The following FSTL5 variants were observed in gnomAD, a reference collection of about 807,000 sequenced individuals.
FSTL5 encodes the protein follistatin-related protein 5.
FSTL5 carries 62 observed loss-of-function variants against 89.1 expected under a neutral mutation model. That is an observed-to-expected ratio of 0.70 (90% CI 0.57 to 0.86). The LOEUF is 0.86. Ranked by LOEUF, FSTL5 falls within the 40% of genes least tolerant of loss-of-function variation. The pLI, the probability that FSTL5 is intolerant of heterozygous loss-of-function variation, is 0.00. For missense variants in FSTL5, 1,057 were observed against 1,001.6 expected (o/e 1.06, Z -0.75); for synonymous variants, 383 against 346.2 (o/e 1.11, Z -1.18).
chr4:161,484,219 A>G (rs1223498125), intron 12 of FSTL5, among the ~76,000 whole-genome samples: 2 of 152,088 alleles, frequency 1.3e-5, no homozygotes, highest in Admixed American at 1.3e-4. Context: ...AAAATCTTTA[A>G]ATTCCAATCT....
intron 1 of FSTL5, among the ~76,000 whole-genome samples, chr4:162,112,829 C>T (rs1406871610): frequency 4.1e-5 from 6 of 145,540 alleles, no homozygotes; most frequent in Admixed American, 6.9e-5. Flanking sequence ...GTGGGCATTC[C>T]TAATCCATTC....
At chr4:161,604,388 A>G (rs953354638) in intron 7 of FSTL5, among the ~76,000 whole-genome samples, 5 of 152,216 alleles carry the variant, frequency 3.3e-5, no homozygotes, top group Non-Finnish European at 7.3e-5. Context: ...GAACATAAAA[A>G]TTTTAAATAA....
intron 5 of FSTL5, among the ~76,000 whole-genome samples, chr4:161,774,098 A>C (rs2126802530): frequency 6.6e-6 from 1 of 152,212 alleles, no homozygotes; most frequent in Admixed American, 6.5e-5. Flanking sequence ...CGTCTCTACT[A>C]AAAATACAAA....
At chr4:161,387,635 C>T (rs908021544) in intron 15 of FSTL5, 72 of 151,714 alleles carry the variant, frequency 4.7e-4, no homozygotes, top group Admixed American at 4.7e-3. Flanking sequence ...ATTTAGCAAG[C>T]TCAAAAATAT....
At chr4:161,714,613 C>T (rs887969622) in intron 6 of FSTL5, among the ~76,000 whole-genome samples, 1 of 152,188 alleles carries the variant, frequency 6.6e-6, no homozygotes, top group Non-Finnish European at 1.5e-5. Context: ...CAGTCTGACA[C>T]TGTCATCTGC....
intron 14 of FSTL5, among the ~76,000 whole-genome samples, chr4:161,457,846 G>A (rs1560904506): frequency 6.6e-6 from 1 of 152,040 alleles, no homozygotes; most frequent in East Asian, 1.9e-4. Context: ...GATTCTAAAA[G>A]TTGCCCACTG....
rs79233453 is a variant in FSTL5, at chr4:161,781,097, A to T, written c.410-5023T>A. Among the ~76,000 whole-genome samples the T allele has an allele frequency of 4.9e-3, 743 of 152,108 alleles. 5 individuals carry two copies. The highest frequency in any genetic ancestry group is 0.017 in the African/African-American group (708 of 41,554). ...ATCTGTATATTATAATGTATGTAGAAACTGTTTTTCCTCAAATTACTCAAT... is the reference window on the plus strand; with the variant it reads ...ATCTGTATATTATAATGTATGTAGATACTGTTTTTCCTCAAATTACTCAAT... On this transcript the variant is annotated intron_variant, in intron 4 of 15. Transcript: ENST00000306100.
chr4:161,504,720 C>T (rs551588786), intron 11 of FSTL5, among the ~76,000 whole-genome samples: 1 of 151,684 alleles, frequency 6.6e-6, no homozygotes. Flanking sequence ...AATATTGTAC[C>T]CTTAAATACA....
At chr4:161,895,547 T>A (rs975005670) in intron 4 of FSTL5, among the ~76,000 whole-genome samples, 5 of 152,120 alleles carry the variant, frequency 3.3e-5, no homozygotes, top group African/African-American at 1.2e-4. Context: ...AGGTTCAGAA[T>A]TTTTGGAATC....
chr4:162,139,749 T>G lies in FSTL5; in HGVS notation c.-17+23866A>C, dbSNP rs374498662. On this transcript the variant is annotated intron_variant, in intron 1 of 15. Coordinates refer to ENST00000306100, the MANE Select transcript of FSTL5 (RefSeq NM_020116.5). Reference sequence around the variant, plus strand: ...TGCAGCAAAATTTCCTTATAATGTATGTAAGGAGGGAATTCTCAAACAAGG... The same window carrying G: ...TGCAGCAAAATTTCCTTATAATGTAGGTAAGGAGGGAATTCTCAAACAAGG... 7.2e-5 allele frequency among the ~76,000 whole-genome samples: 11 copies of G among 152,216 alleles called. No individual in the cohort carries two copies. The South Asian group carries it at 1.5e-3, about 20-fold the overall frequency.
intron 1 of FSTL5, among the ~76,000 whole-genome samples, chr4:162,137,039 A>G (rs1732546870): frequency 1.3e-5 from 2 of 152,108 alleles, no homozygotes; most frequent in Non-Finnish European, 2.9e-5. Flanking sequence ...GTATTAAGCA[A>G]AACAAAACTG....
At chr4:161,985,183 A>C (rs1315222516) in intron 3 of FSTL5, among the ~76,000 whole-genome samples, 1 of 152,082 alleles carries the variant, frequency 6.6e-6, no homozygotes, top group Non-Finnish European at 1.5e-5. Context: ...ATATTTACCC[A>C]AGATTACTTG....
At chr4:161,932,502 T>G (rs1339250934) in intron 3 of FSTL5, among the ~76,000 whole-genome samples, 1 of 151,754 alleles carries the variant, frequency 6.6e-6, no homozygotes, top group East Asian at 1.9e-4. Context: ...ATGGCTATCC[T>G]ATAAGAATGT....
intron 6 of FSTL5, among the ~76,000 whole-genome samples, chr4:161,735,515 A>T (rs1245458349): frequency 1.3e-5 from 2 of 152,154 alleles, no homozygotes; most frequent in African/African-American, 2.4e-5. Context: ...ATTTTAAAAA[A>T]CCATGAGGTT....
chr4:162,056,250 A>G (rs1007250849), intron 2 of FSTL5, among the ~76,000 whole-genome samples: 1 of 152,106 alleles, frequency 6.6e-6, no homozygotes, highest in East Asian at 1.9e-4. Flanking sequence ...AAAATGGGTT[A>G]CATATATGAA....
intron 1 of FSTL5, among the ~76,000 whole-genome samples, chr4:162,134,068 A>C (rs1732423147): frequency 6.6e-6 from 1 of 152,158 alleles, no homozygotes; most frequent in African/African-American, 2.4e-5. Flanking sequence ...TCAACTTTAA[A>C]ACATGGAATG....
intron 12 of FSTL5, among the ~76,000 whole-genome samples, chr4:161,487,503 C>A (rs552173089): frequency 2.0e-5 from 3 of 152,208 alleles, no homozygotes; most frequent in Non-Finnish European, 2.9e-5. Context: ...GTAGACCTAT[C>A]TACTTTAACA....
rs1561012753 is a variant in FSTL5 at position 162,089,656 on chromosome 4, A to AAAAAG, written c.126+21614_126+21615insCTTTT. On this transcript the variant is annotated intron_variant, in intron 2 of 15. Coordinates refer to ENST00000306100, the MANE Select transcript of FSTL5 (RefSeq NM_020116.5). ...TCAAAAAAAAAAAAAAAAAAGAAAA[A>AAAAAG]AAAGAAAGAAAGAAATTGGGTTAAT... 1.8e-4 allele frequency among the ~76,000 whole-genome samples: 25 copies of AAAAAG among 136,476 alleles called. 2 individuals are homozygous for AAAAAG. The highest frequency in any genetic ancestry group is 2.8e-4 in the Non-Finnish European group (18 of 63,720). 89.5% of individuals were successfully genotyped at this position (136,476 alleles called of 152,430 possible).
intron 4 of FSTL5, among the ~76,000 whole-genome samples, chr4:161,850,722 A>C (rs984148431): frequency 7.2e-5 from 11 of 152,236 alleles, no homozygotes; most frequent in African/African-American, 2.7e-4. Flanking sequence ...AAGTTATAAA[A>C]GAAAAAATAT....
Sources: allele counts gnomAD v4.1 joint callset (sites outside exome capture counted in the v4.1 genomes callset), GRCh38; gene constraint gnomAD v4.1.1; transcripts MANE v1.5; gene names NCBI Gene and HGNC (gene_info 2026-07-23, HGNC 2026-07-21).